Variants in INSYN2B observed in about 807,000 individuals in gnomAD.
INSYN2B encodes the protein inhibitory synaptic factor family member 2B.
A neutral mutation model predicts 41.2 loss-of-function variants in INSYN2B; 16 were observed. That is an observed-to-expected ratio of 0.39 (90% CI 0.26 to 0.59). INSYN2B has a LOEUF of 0.59. Among genes scored for constraint, INSYN2B ranks in the 20% least tolerant of loss-of-function variants. The pLI is 0.57. For synonymous variants in INSYN2B, 245 were observed against 244.4 expected (o/e 1.00, Z -0.02); for missense variants, 608 against 646.4 (o/e 0.94, Z 0.64).
intron 1 of INSYN2B, among the ~76,000 whole-genome samples, chr5:169,962,314 G>A (rs1157102226): frequency 6.6e-6 from 1 of 152,172 alleles, no homozygotes; most frequent in East Asian, 1.9e-4. Flanking sequence ...TATAGGTGCA[G>A]TCAGAAAGAA....
intron 1 of INSYN2B, among the ~76,000 whole-genome samples, chr5:169,942,170 G>A (rs1237868492): frequency 6.6e-6 from 1 of 152,192 alleles, no homozygotes; most frequent in Non-Finnish European, 1.5e-5. Flanking sequence ...AAAGTCTGTA[G>A]CATATCTTAT....
chr5:169,862,793 G>A lies in INSYN2B; in HGVS notation c.*1480C>T, dbSNP rs908012550. Among the ~76,000 whole-genome samples, 2 of 152,194 alleles carry A rather than the reference G, an allele frequency of 1.3e-5. No homozygotes were observed. The highest frequency in any genetic ancestry group is 2.9e-5 in the Non-Finnish European group (2 of 68,040). On this transcript the variant is annotated 3_prime_UTR_variant, in exon 4 of 4. Coordinates refer to ENST00000377365, the MANE Select transcript of INSYN2B (RefSeq NM_001129891.3). Reference sequence around the variant, plus strand: ...CAGGGGAAGGTGAAACCATCGGAGTGGTTTGCTCAATTAGGCTCAATTTGC... The same window carrying A: ...CAGGGGAAGGTGAAACCATCGGAGTAGTTTGCTCAATTAGGCTCAATTTGC...
intron 1 of INSYN2B, among the ~76,000 whole-genome samples, chr5:169,968,064 A>G (rs908576445): frequency 6.6e-6 from 1 of 152,212 alleles, no homozygotes; most frequent in Admixed American, 6.5e-5. Context: ...TGCTGGATGC[A>G]TAAGTCTGAA....
intron 1 of INSYN2B, among the ~76,000 whole-genome samples, chr5:169,889,950 T>G (rs913847830): frequency 6.6e-6 from 1 of 152,218 alleles, no homozygotes; most frequent in African/African-American, 2.4e-5. Flanking sequence ...TTCTCTGAAC[T>G]TAGTAATAAT....
At chr5:169,947,111 C>T (rs1201855245) in intron 1 of INSYN2B, among the ~76,000 whole-genome samples, 7 of 152,190 alleles carry the variant, frequency 4.6e-5, no homozygotes, top group Admixed American at 2.0e-4. Flanking sequence ...TCCCTGTTAC[C>T]ATTTTGGAAA....
At chr5:169,921,853 C>T (rs1017432671) in intron 1 of INSYN2B, among the ~76,000 whole-genome samples, 3 of 152,152 alleles carry the variant, frequency 2.0e-5, no homozygotes, top group Non-Finnish European at 2.9e-5. Context: ...TGCACAAATA[C>T]AATATTTTAC....
At chr5:169,867,103 G>A (rs541853838) in intron 3 of INSYN2B, among the ~76,000 whole-genome samples, 19 of 152,324 alleles carry the variant, frequency 1.2e-4, no homozygotes, top group African/African-American at 3.8e-4. Flanking sequence ...ACTTCCTTAC[G>A]TTTACTGGTG....
At chr5:169,878,603 A>G (rs1399193002) in intron 3 of INSYN2B, among the ~76,000 whole-genome samples, 1 of 152,238 alleles carries the variant, frequency 6.6e-6, no homozygotes, top group Non-Finnish European at 1.5e-5. Flanking sequence ...TCTAGTACCA[A>G]ACTCAGATTT....
chr5:169,894,565 G>A (rs1025722819), intron 1 of INSYN2B, among the ~76,000 whole-genome samples: 3 of 150,284 alleles, frequency 2.0e-5, no homozygotes, highest in Admixed American at 6.6e-5. Flanking sequence ...GGAAGAGAAG[G>A]GGGGAAGTTT....
rs1752316970 is a variant in INSYN2B, at chr5:169,883,782, G to T, written c.117C>A (p.Phe39Leu). Residue 39 changes from phenylalanine to leucine, a missense_variant, in exon 2 of 4, where the codon TTC becomes TTA. Transcript: ENST00000377365. ...GATTCTTAGTGGTCCCATCTTCCTT[G>T]AATCTCACCTGCTGGGATTTGCTCC... ...HRRSKSQQVR[F>L]KEDGTTKNPT... 1.9e-6 allele frequency: 3 copies of T among 1,551,630 alleles called. No homozygotes were observed. The highest frequency in any genetic ancestry group is 2.6e-6 in the Non-Finnish European group (3 of 1,146,960).
intron 1 of INSYN2B, among the ~76,000 whole-genome samples, chr5:169,913,222 C>T (rs922615132): frequency 2.0e-5 from 3 of 152,216 alleles, no homozygotes; most frequent in African/African-American, 7.2e-5. Flanking sequence ...TAGAGCTTTG[C>T]AGTTCCTGAT....
In INSYN2B at chr5:169,971,028, G is replaced by A. The variant is rs1777485024; in HGVS notation, c.-919+9249C>T. Among the ~76,000 whole-genome samples, 4 of 152,172 alleles carry A rather than the reference G, an allele frequency of 2.6e-5. No homozygotes were observed. In the South Asian group the frequency reaches 8.3e-4, roughly 32 times the overall value. On this transcript the variant is annotated intron_variant, in intron 1 of 3. Transcript: ENST00000377365. ...GGACCTGCGTTCATGCCAAGCTGCT[G>A]TGTCACCTTTATTAATGATGACGGG...
intron 1 of INSYN2B, among the ~76,000 whole-genome samples, chr5:169,961,720 G>T (rs989592709): frequency 2.0e-5 from 3 of 152,086 alleles, no homozygotes; most frequent in Non-Finnish European, 2.9e-5. Context: ...GCTCACGCCC[G>T]TAATCCCAGC....
At position 169,863,973 on chromosome 5, in the gene INSYN2B, G is replaced by A. The variant is rs567266380; in HGVS notation, c.*300C>T. ...GAAGGTGTAGTGTGGGGTTTTGCTC[G>A]TGGTGGGAATCTGGTCTTAAAACTC... On this transcript the variant is annotated 3_prime_UTR_variant, in exon 4 of 4. Transcript: ENST00000377365. Among the ~76,000 whole-genome samples the A allele has an allele frequency of 9.8e-5, 15 of 152,286 alleles. No homozygotes were observed. Among genetic ancestry groups the A allele is most frequent in the Middle Eastern group, 3.4e-3 (1 of 294 alleles).
chr5:169,966,320 C>T (rs56913651), intron 1 of INSYN2B, among the ~76,000 whole-genome samples: 2,747 of 152,212 alleles, frequency 0.018, 77 homozygotes, highest in African/African-American at 0.06. Flanking sequence ...AATGGCATGA[C>T]TCAGAGTTTA....
intron 1 of INSYN2B, among the ~76,000 whole-genome samples, chr5:169,946,691 G>A (rs557277644): frequency 7.2e-5 from 11 of 152,298 alleles, no homozygotes; most frequent in African/African-American, 2.6e-4. Flanking sequence ...GTTCTAATGG[G>A]GTGGGGACAG....
intron 1 of INSYN2B, among the ~76,000 whole-genome samples, chr5:169,902,400 T>G (rs1773977845): frequency 6.6e-6 from 1 of 152,228 alleles, no homozygotes; most frequent in Non-Finnish European, 1.5e-5. Flanking sequence ...TTAGTGATTT[T>G]GCCAAGCCAC....
Position 169,930,625 on chromosome 5 carries a change from G to A in INSYN2B, c.-918-45809C>T, listed in dbSNP as rs561575223. ...CCAAATCAATTTGTGCAAAATAACG[G>A]TAGACAAGGATGAGCTGCGGCTGAC... is the stretch of plus-strand genomic sequence containing the variant. On this transcript the variant is annotated intron_variant, in intron 1 of 3. Coordinates refer to ENST00000377365, the MANE Select transcript of INSYN2B (RefSeq NM_001129891.3). Among the ~76,000 whole-genome samples, 11 of 152,316 alleles carry A rather than the reference G, an allele frequency of 7.2e-5. No individual in the cohort carries two copies. The East Asian group carries it at 1.9e-3, about 27-fold the overall frequency.
intron 1 of INSYN2B, among the ~76,000 whole-genome samples, chr5:169,897,528 A>G (rs1021841853): frequency 6.6e-6 from 1 of 152,172 alleles, no homozygotes; most frequent in Non-Finnish European, 1.5e-5. Context: ...AGCAAACGGA[A>G]AGACATGATG....
Sources: gnomAD v4.1 joint callset for allele counts (sites outside exome capture counted in the v4.1 genomes callset) on GRCh38, gnomAD v4.1.1 for gene constraint, MANE v1.5 for transcripts, NCBI Gene and HGNC (gene_info 2026-07-23, HGNC 2026-07-21) for gene names.